CAMKMT: variants seen among roughly 807,000 people sequenced by gnomAD.
The protein encoded by CAMKMT is calmodulin-lysine N-methyltransferase.
Under a neutral mutation model 48.0 loss-of-function variants are expected in CAMKMT, and 53 were observed. The ratio of observed to expected loss-of-function variants is 1.10; its 90% CI spans 0.89 to 1.39. The LOEUF (loss-of-function observed/expected upper bound fraction) is 1.39. Ranked by LOEUF, CAMKMT falls within the 40% of genes most tolerant of loss-of-function variation. CAMKMT has a pLI of 0.00. For missense variants in CAMKMT, 428 were observed against 402.7 expected (o/e 1.06, Z -0.54); for synonymous variants, 165 against 152.3 (o/e 1.08, Z -0.61).
At chr2:44,688,507 CAT>C (rs56792012) in intron 3 of CAMKMT, among the ~76,000 whole-genome samples, 4 of 151,394 alleles carry the variant, frequency 2.6e-5, no homozygotes, top group Non-Finnish European at 5.9e-5. Flanking sequence ...CATATATATA[CAT>C]ATATATATAT....
In CAMKMT at chr2:44,433,344, A is replaced by T. The variant is rs180847555; in HGVS notation, c.376+43039A>T. Among the ~76,000 whole-genome samples the T allele has an allele frequency of 5.1e-4, 78 of 152,356 alleles. 1 individual carries two copies. The highest frequency in any genetic ancestry group is 5.1e-3 in the Admixed American group (78 of 15,306). ...TAGAAGTGAAGAAAGATGAATTAAC[A>T]TAGTAAGTAATACATATCGTGGAAC... On this transcript the variant is annotated intron_variant, in intron 3 of 10. Coordinates refer to ENST00000378494, the MANE Select transcript of CAMKMT (RefSeq NM_024766.5).
chr2:44,461,375 G>T (rs1239119678), intron 3 of CAMKMT, among the ~76,000 whole-genome samples: 1 of 152,046 alleles, frequency 6.6e-6, no homozygotes, highest in Non-Finnish European at 1.5e-5. Flanking sequence ...ATTATTCCCA[G>T]ATGAGGAAAT....
chr2:44,369,760 C>G (rs1236918628), intron 1 of CAMKMT: 1 of 152,228 alleles, frequency 6.6e-6, no homozygotes, highest in Non-Finnish European at 1.5e-5. Context: ...TGCTCCCTCT[C>G]ACTCTCCATT....
chr2:44,543,247 A>G (rs1558690628), intron 3 of CAMKMT, among the ~76,000 whole-genome samples: 3 of 152,200 alleles, frequency 2.0e-5, no homozygotes, highest in African/African-American at 7.2e-5. Context: ...TTTAGTGTAA[A>G]TAGTGGCTCA....
At chr2:44,764,893 C>G (rs889775354) in intron 9 of CAMKMT, among the ~76,000 whole-genome samples, 1 of 152,088 alleles carries the variant, frequency 6.6e-6, no homozygotes. Flanking sequence ...CATTCACTGA[C>G]AGAGTTGATA....
At chr2:44,486,618 G>A (rs1016529888) in intron 3 of CAMKMT, among the ~76,000 whole-genome samples, 1 of 152,230 alleles carries the variant, frequency 6.6e-6, no homozygotes, top group East Asian at 1.9e-4. Flanking sequence ...ACACAGGATA[G>A]TGTTTATGAA....
intron 3 of CAMKMT, among the ~76,000 whole-genome samples, chr2:44,507,817 A>T (rs1375598631): frequency 6.6e-6 from 1 of 152,192 alleles, no homozygotes; most frequent in East Asian, 1.9e-4. Context: ...TCATCAAGAA[A>T]GTCATGCTGT....
intron 9 of CAMKMT, among the ~76,000 whole-genome samples, chr2:44,765,175 C>A (rs1680785232): frequency 1.3e-5 from 2 of 152,084 alleles, no homozygotes; most frequent in African/African-American, 4.8e-5. Flanking sequence ...TTCCAGTGAA[C>A]CGAGATTGCA....
chr2:44,462,331 T>G (rs561508457), intron 3 of CAMKMT, among the ~76,000 whole-genome samples: 1 of 152,294 alleles, frequency 6.6e-6, no homozygotes, highest in South Asian at 2.1e-4. Context: ...TTCAGATAAC[T>G]CTATGTATAC....
chr2:44,522,473 C>G (rs1220081151), intron 3 of CAMKMT, among the ~76,000 whole-genome samples: 1 of 152,174 alleles, frequency 6.6e-6, no homozygotes, highest in Non-Finnish European at 1.5e-5. Context: ...TGCTGTGGGG[C>G]AATCCCCTTA....
chr2:44,718,276 T>G (rs1309446107), intron 7 of CAMKMT, among the ~76,000 whole-genome samples: 2 of 152,300 alleles, frequency 1.3e-5, no homozygotes, highest in East Asian at 3.9e-4. Flanking sequence ...ATAGTCTGAT[T>G]GTAGCTAAAT....
chr2:44,463,870 A>G (rs111641945), intron 3 of CAMKMT, among the ~76,000 whole-genome samples: 2,249 of 152,344 alleles, frequency 0.015, 62 homozygotes, highest in African/African-American at 0.052. Flanking sequence ...GAAAGCCAGT[A>G]TGTAAAGATT....
At chr2:44,377,322 CT>C (rs1205237735) in intron 2 of CAMKMT, among the ~76,000 whole-genome samples, 1 of 151,966 alleles carries the variant, frequency 6.6e-6, no homozygotes, top group Non-Finnish European at 1.5e-5. Context: ...TACTTTGTTT[CT>C]TAGAACTTTG....
chr2:44,704,791 A>T (rs1372771007), intron 4 of CAMKMT, among the ~76,000 whole-genome samples: 1 of 152,012 alleles, frequency 6.6e-6, no homozygotes, highest in Non-Finnish European at 1.5e-5. Context: ...TAATGATGCC[A>T]TCCCACCCCT....
intron 3 of CAMKMT, among the ~76,000 whole-genome samples, chr2:44,605,580 G>A (rs946514982): frequency 6.6e-6 from 1 of 152,096 alleles, no homozygotes; most frequent in African/African-American, 2.4e-5. Context: ...TTTCCTAAGT[G>A]TTTGGGGACA....
intron 3 of CAMKMT, among the ~76,000 whole-genome samples, chr2:44,541,342 T>C (rs886708692): frequency 1.3e-5 from 2 of 152,176 alleles, no homozygotes; most frequent in African/African-American, 4.8e-5. Flanking sequence ...GGAGATGTCT[T>C]TCCATTTGTT....
chr2:44,460,772 G>C (rs1010387482), intron 3 of CAMKMT, among the ~76,000 whole-genome samples: 1 of 145,826 alleles, frequency 6.9e-6, no homozygotes, highest in African/African-American at 2.6e-5. Context: ...CCAGGCTGGA[G>C]TGTGCAGTGG....
At chr2:44,508,056 C>T (rs920788810) in intron 3 of CAMKMT, among the ~76,000 whole-genome samples, 11 of 152,104 alleles carry the variant, frequency 7.2e-5, no homozygotes, top group Non-Finnish European at 1.0e-4. Flanking sequence ...AAAGTAAAAA[C>T]GTTGTGGTAA....
Position 44,653,032 on chromosome 2 carries a change from C to T in CAMKMT, c.377-51251C>T, listed in dbSNP as rs1317043151. 6.6e-6 allele frequency among the ~76,000 whole-genome samples: 1 copy of T among 152,192 alleles called. No individual in the cohort carries two copies. Among genetic ancestry groups the T allele is most frequent in the Non-Finnish European group, 1.5e-5 (1 of 68,034 alleles). On this transcript the variant is annotated intron_variant, in intron 3 of 10. Transcript: ENST00000378494. The surrounding 1 kb of genome is among the most constrained non-coding windows in gnomAD (Gnocchi z 5.2). ...TTTCTATTACCTCTATCAACCCTCC[C>T]TTTAAGCTTATTCTGTGCACATCCT...
Sources: allele counts gnomAD v4.1 joint callset (sites outside exome capture counted in the v4.1 genomes callset), GRCh38; gene constraint gnomAD v4.1.1; non-coding constraint Gnocchi (gnomAD v3.1); transcripts MANE v1.5; gene names NCBI Gene and HGNC (gene_info 2026-07-23, HGNC 2026-07-21).